BPIFC: variants seen among roughly 807,000 people sequenced by gnomAD.
BPIFC encodes BPI fold-containing family C protein.
A neutral mutation model predicts 57.6 loss-of-function variants in BPIFC; 60 were observed. The ratio of observed to expected loss-of-function variants is 1.04; its 90% CI spans 0.85 to 1.29. The LOEUF is 1.29. Among genes scored for constraint, BPIFC ranks in the 50% most tolerant of loss-of-function variants. BPIFC has a pLI of 0.00. For missense variants in BPIFC, 581 were observed against 600.5 expected (o/e 0.97, Z 0.34); for synonymous variants, 243 against 224.5 (o/e 1.08, Z -0.74).
intron 2 of BPIFC, among the ~76,000 whole-genome samples, chr22:32,459,813 T>A (rs1353886951): frequency 6.6e-6 from 1 of 152,024 alleles, no homozygotes; most frequent in Non-Finnish European, 1.5e-5. Flanking sequence ...ATCATGCCAC[T>A]GCACTCCAGC....
chr22:32,445,344 C>T (rs745488687), intron 7 of BPIFC, among the ~76,000 whole-genome samples: 1 of 151,980 alleles, frequency 6.6e-6, no homozygotes, highest in Non-Finnish European at 1.5e-5. Flanking sequence ...AAGACCATCC[C>T]GGCCAACACA....
chr22:32,454,787 G>A (rs1436099553), intron 3 of BPIFC, among the ~76,000 whole-genome samples: 1 of 152,164 alleles, frequency 6.6e-6, no homozygotes, highest in Non-Finnish European at 1.5e-5. Context: ...CTACCAGAGA[G>A]CTTAGGTTTG....
At chr22:32,439,379 G>A (rs1372431733) in intron 8 of BPIFC, among the ~76,000 whole-genome samples, 3 of 151,906 alleles carry the variant, frequency 2.0e-5, no homozygotes, top group Non-Finnish European at 4.4e-5. Context: ...CTAGTTGTAT[G>A]TGCAGTGACT....
At chr22:32,435,025 C>T (rs183862584) in intron 10 of BPIFC, among the ~76,000 whole-genome samples, 63 of 152,230 alleles carry the variant, frequency 4.1e-4, no homozygotes, top group African/African-American at 1.3e-3. Context: ...ACAGTTATAT[C>T]GCACTTATTC....
At chr22:32,439,974 C>T (rs573745182) in intron 8 of BPIFC, among the ~76,000 whole-genome samples, 8 of 152,278 alleles carry the variant, frequency 5.3e-5, no homozygotes, top group African/African-American at 1.9e-4. Flanking sequence ...AATCATTTCA[C>T]AGATGTGGTG....
chr22:32,444,147 C>T (rs1934646613), intron 7 of BPIFC, among the ~76,000 whole-genome samples: 1 of 152,202 alleles, frequency 6.6e-6, no homozygotes, highest in South Asian at 2.1e-4. Context: ...ACTCATTCTT[C>T]ACTGGCCTCC....
chr22:32,433,300 C>T (rs1227916451), intron 11 of BPIFC, among the ~76,000 whole-genome samples: 1 of 152,214 alleles, frequency 6.6e-6, no homozygotes, highest in Non-Finnish European at 1.5e-5. Context: ...TCCTCAAGGG[C>T]AATCCCTAGC....
chr22:32,429,247 C>T (rs1934160901), intron 13 of BPIFC, among the ~76,000 whole-genome samples: 1 of 151,672 alleles, frequency 6.6e-6, no homozygotes, highest in South Asian at 2.1e-4. Context: ...CGCTCTGTCC[C>T]CCAGGCTGGA....
At chr22:32,457,152 C>T (rs772961747) in intron 3 of BPIFC, 111 bp downstream of exon 3, 20 of 1,286,360 alleles carry the variant, frequency 1.6e-5, no homozygotes, top group Non-Finnish European at 2.1e-5. Context: ...GATCACCCCA[C>T]AGTACGGCGT....
intron 13 of BPIFC, among the ~76,000 whole-genome samples, chr22:32,420,132 A>G (rs1933801973): frequency 2.0e-5 from 3 of 152,218 alleles, no homozygotes; most frequent in Non-Finnish European, 4.4e-5. Flanking sequence ...CCCGGCTAAC[A>G]CGGTGAAACC....
chr22:32,432,635 T>C, intron 11 of BPIFC, 92 bp from the exon 12 acceptor site: 1 of 1,232,464 alleles, frequency 8.1e-7, no homozygotes, highest in Non-Finnish European at 1.2e-6. Context: ...TGACTAAATC[T>C]TACATTGTGC....
chr22:32,458,811 G>A (rs1935099006), intron 2 of BPIFC, among the ~76,000 whole-genome samples: 1 of 152,060 alleles, frequency 6.6e-6, no homozygotes, highest in South Asian at 2.1e-4. Context: ...CTATAACTCT[G>A]GAGTCCAGTA....
Position 32,435,716 on chromosome 22 carries a change from GA to G in BPIFC, c.911del (p.Leu304ProfsTer36). 6.2e-7 allele frequency: 1 copy of G among 1,613,902 alleles called. No homozygotes were observed. Reference protein sequence around the residue: ...HFTAGVFNVTLSTEEISNHFV... With the variant: ...HFTAGVFNVTXSTEEISNHFV... The stretch of plus-strand genomic sequence containing the variant: ...TAACTCTCCTCACCTCTTCGGTGGA[GA>G]GAGTGACATTGAAAACCCCAGCTGT... On this transcript the variant is annotated frameshift_variant, in exon 10 of 17. Transcript: ENST00000300399. LOFTEE classifies it high-confidence loss of function.
chr22:32,452,166 G>A (rs60347201), intron 4 of BPIFC, among the ~76,000 whole-genome samples: 1 of 152,140 alleles, frequency 6.6e-6, no homozygotes, highest in Non-Finnish European at 1.5e-5. Context: ...CCTCCCAAAG[G>A]GTTGGGATTA....
intron 10 of BPIFC, among the ~76,000 whole-genome samples, chr22:32,434,093 T>TAC (rs988218725): frequency 8.7e-5 from 13 of 149,662 alleles, no homozygotes; most frequent in African/African-American, 2.9e-4. Flanking sequence ...TATATATATA[T>TAC]ATATCTATAT....
intron 8 of BPIFC, among the ~76,000 whole-genome samples, chr22:32,442,375 G>A (rs1934588310): frequency 6.6e-6 from 1 of 152,168 alleles, no homozygotes; most frequent in African/African-American, 2.4e-5. Flanking sequence ...CCTCTGAAGA[G>A]AAGGGATGTA....
Position 32,424,600 on chromosome 22 carries a change from TCTCCTCCTCCTC to T in BPIFC, c.1218-5208_1218-5197del, listed in dbSNP as rs879668188. ...TTCTTCTTCTTCTTCTTCTTCTTCT[TCTCCTCCTCCTC>T]CTCCTCCTCCTCCTCCTCTTCTTCT... On this transcript the variant is annotated intron_variant, in intron 13 of 16. Coordinates refer to ENST00000300399, the MANE Select transcript of BPIFC (RefSeq NM_174932.3). 2.5e-5 allele frequency among the ~76,000 whole-genome samples: 2 copies of T among 78,594 alleles called. 1 individual carries two copies. The allele number at this position is 78,594 out of a possible 152,430, so 51.6% of individuals were successfully genotyped here.
intron 2 of BPIFC, among the ~76,000 whole-genome samples, chr22:32,459,269 C>T (rs1290702667): frequency 6.6e-6 from 1 of 152,066 alleles, no homozygotes; most frequent in African/African-American, 2.4e-5. Flanking sequence ...TGGCTCATAC[C>T]TATAATACCA....
rs145148624 is a variant in BPIFC, at chr22:32,415,973, A to G, written c.1343T>C (p.Phe448Ser). 38 of 1,587,276 alleles carry G rather than the reference A, an allele frequency of 2.4e-5. No homozygotes were observed. The highest frequency in any genetic ancestry group is 3.2e-5 in the Non-Finnish European group (37 of 1,169,290). The change falls in exon 16 of 17, where the codon TTT (phenylalanine) becomes TCT (serine). Residue 448 changes from phenylalanine (F) to serine (S), a missense_variant. By Grantham distance (155) the Phe-to-Ser change is radical (BLOSUM62 -2). Coordinates refer to ENST00000300399, the MANE Select transcript of BPIFC (RefSeq NM_174932.3). ...GAATTTGTGTGGATTGGACAGAGGAAATCCTTGCTGCAATTTTGCTAAAAT... is the reference window on the plus strand; with the variant it reads ...GAATTTGTGTGGATTGGACAGAGGAGATCCTTGCTGCAATTTTGCTAAAAT... ...PLANAKLQQG[F>S]PLSNPHKFLF...
Sources: allele counts gnomAD v4.1 joint callset (sites outside exome capture counted in the v4.1 genomes callset), GRCh38; gene constraint gnomAD v4.1.1; transcripts MANE v1.5; gene names NCBI Gene and HGNC (gene_info 2026-07-23, HGNC 2026-07-21).